The following TRABD2A variants were observed in gnomAD, a reference collection of about 807,000 sequenced individuals.
TRABD2A encodes TraB domain containing 2A, also known as metalloprotease TIKI1.
TRABD2A carries 43 observed loss-of-function variants against 45.6 expected under a neutral mutation model. The ratio of observed to expected loss-of-function variants is 0.94; its 90% CI spans 0.74 to 1.22. TRABD2A has a LOEUF of 1.22. TRABD2A is among the 50% of genes most tolerant of loss of function. TRABD2A has a pLI of 0.00. For missense variants in TRABD2A, 642 were observed against 652.4 expected, an observed-to-expected ratio of 0.98 and a Z score of 0.17; for synonymous variants, 269 against 265.0, an observed-to-expected ratio of 1.02 and a Z score of -0.15.
intron 4 of TRABD2A, chr2:84,834,518 A>C (rs1234805174): frequency 6.6e-6 from 1 of 152,438 alleles, no homozygotes; most frequent in Non-Finnish European, 1.5e-5. Context: ...TCATGCAATC[A>C]TGACCACTAT....
At chr2:84,871,979 G>A (rs1682883380) in intron 1 of TRABD2A, among the ~76,000 whole-genome samples, 1 of 152,158 alleles carries the variant, frequency 6.6e-6, no homozygotes, top group African/African-American at 2.4e-5. Context: ...TTCTCTCCAA[G>A]CAGTTGCACA....
chr2:84,857,196 TTCCCCCAAA>T (rs1682342372), intron 2 of TRABD2A, among the ~76,000 whole-genome samples: 1 of 152,218 alleles, frequency 6.6e-6, no homozygotes, highest in Non-Finnish European at 1.5e-5. Context: ...ATACACTTCC[TTCCCCCAAA>T]TCCCACACAA....
chr2:84,829,008 G>C (rs558936327), intron 5 of TRABD2A, among the ~76,000 whole-genome samples: 1 of 152,274 alleles, frequency 6.6e-6, no homozygotes, highest in Middle Eastern at 3.4e-3. Context: ...TAAAAGGTGG[G>C]AGAAGAAAGG....
chr2:84,842,736 AAAAAG>A (rs1470268682), intron 2 of TRABD2A, among the ~76,000 whole-genome samples: 31 of 151,852 alleles, frequency 2.0e-4, no homozygotes, highest in African/African-American at 4.3e-4. Context: ...CAAAAAAAAA[AAAAAG>A]AAAAGAAAAG....
chr2:84,879,730 C>A (rs1390247221), intron 1 of TRABD2A: 1 of 396,562 alleles, frequency 2.5e-6, no homozygotes, highest in Non-Finnish European at 3.4e-6. Flanking sequence ...ATGCCTGGTG[C>A]AGACTCCCCT....
intron 5 of TRABD2A, among the ~76,000 whole-genome samples, chr2:84,829,619 C>T (rs1440794787): frequency 1.7e-5 from 2 of 118,772 alleles, no homozygotes; most frequent in African/African-American, 3.9e-5. Context: ...CACACCACAA[C>T]ACAACGCAAA....
At chr2:84,863,597 C>CTTTTT (rs55952015) in intron 2 of TRABD2A, among the ~76,000 whole-genome samples, 44 of 78,116 alleles carry the variant, frequency 5.6e-4, no homozygotes, top group South Asian at 1.0e-3. Context: ...TTCAAATTTT[C>CTTTTT]TTTTTTTTTT....
rs930868988 is a variant in TRABD2A at position 84,870,838 on chromosome 2, A to G, written c.109-53T>C. Reference sequence around the variant, plus strand: ...TATAATATGGGGGAGAGGCATGGTCAGGAACCTGTGAGAGGAAATGAATCA... The same window carrying G: ...TATAATATGGGGGAGAGGCATGGTCGGGAACCTGTGAGAGGAAATGAATCA... On this transcript the variant is annotated intron_variant, in intron 1 of 6. Transcript: ENST00000409520. 2.7e-6 allele frequency: 4 copies of G among 1,456,332 alleles called. No individual in the cohort carries two copies. The South Asian group carries it at 5.6e-5, about 20-fold the overall frequency. 90.2% of individuals were successfully genotyped at this position (1,456,332 alleles called of 1,614,324 possible). A position where few individuals can be genotyped will look rare whatever the true frequency, so the allele number is the denominator to read the frequency against.
chr2:84,824,211 G>C lies in TRABD2A; in HGVS notation c.1083-7C>G, dbSNP rs1459818531. ...GGTCTTTTTACTCTTCCCTCTGTAC[G>C]CAAGTGGAAGGAGAAGGTATTTGGA... On this transcript the variant is annotated splice_polypyrimidine_tract_variant and splice_region_variant and intron_variant, in intron 5 of 6. Transcript: ENST00000409520. 1.9e-6 allele frequency: 3 copies of C among 1,613,570 alleles called. No individual in the cohort carries two copies. Among genetic ancestry groups the C allele is most frequent in the Non-Finnish European group, 1.7e-6 (2 of 1,179,754 alleles).
intron 5 of TRABD2A, among the ~76,000 whole-genome samples, chr2:84,829,062 C>A (rs555015624): frequency 6.6e-6 from 1 of 152,114 alleles, no homozygotes; most frequent in Non-Finnish European, 1.5e-5. Context: ...TGTGCTATTT[C>A]CTGGTCCTGG....
rs1559096251 is a variant in TRABD2A at position 84,864,288 on chromosome 2, G to C, written c.669+5937C>G. ...GGCCCTTTGCTTTGAGTTAAATGAG[G>C]ATTGCCATGTAGGAGCAGGTGCTAA... is the stretch of plus-strand genomic sequence containing the variant. On this transcript the variant is annotated intron_variant, in intron 2 of 6. Coordinates refer to ENST00000409520, the MANE Select transcript of TRABD2A (RefSeq NM_001277053.2). 3.3e-5 allele frequency among the ~76,000 whole-genome samples: 5 copies of C among 152,184 alleles called. No individual in the cohort carries two copies. The South Asian group carries it at 1.0e-3, about 31-fold the overall frequency.
Position 84,824,060 on chromosome 2 carries a change from G to C in TRABD2A, c.1227C>G (p.Ala409=). The change falls in exon 6 of 7, where the codon GCC becomes GCG. Residue 409 remains alanine (A), a synonymous_variant. Coordinates refer to ENST00000409520, the MANE Select transcript of TRABD2A (RefSeq NM_001277053.2). ...TCTGTTCGGCCTCACTGGGCGTGTCGGCACTTCCAGGCCGGGACACAAGGG... is the reference window on the plus strand; with the variant it reads ...TCTGTTCGGCCTCACTGGGCGTGTCCGCACTTCCAGGCCGGGACACAAGGG... The part of the protein sequence containing the change: ...LPPLVSRPGS[A]DTPSEAEQRF... 1.9e-6 allele frequency: 3 copies of C among 1,613,754 alleles called. No individual in the cohort carries two copies. The highest frequency in any genetic ancestry group is 1.3e-5 in the African/African-American group (1 of 75,060).
chr2:84,854,498 G>A (rs981521615), intron 2 of TRABD2A, among the ~76,000 whole-genome samples: 18 of 152,168 alleles, frequency 1.2e-4, no homozygotes, highest in Admixed American at 1.0e-3. Flanking sequence ...GACTCAGAAA[G>A]GTTCAATATC....
Position 84,879,112 on chromosome 2 carries a change from T to A in TRABD2A, c.108+1820A>T, listed in dbSNP as rs867827661. On this transcript the variant is annotated intron_variant, in intron 1 of 6. Transcript: ENST00000409520. ...CACTGCTCTGATGGCTAATGGAATG[T>A]GTGCTATGTTGTGTTTTACTACTAT... Among the ~76,000 whole-genome samples, 3 of 152,200 alleles carry A rather than the reference T, an allele frequency of 2.0e-5. No individual in the cohort carries two copies. The South Asian group carries it at 6.2e-4, about 32-fold the overall frequency.
Position 84,839,167 on chromosome 2 carries a change from A to C in TRABD2A, c.973T>G (p.Phe325Val). 6.2e-7 allele frequency: 1 copy of C among 1,613,992 alleles called. No individual in the cohort carries two copies. Among genetic ancestry groups the C allele is most frequent in the Non-Finnish European group, 8.5e-7 (1 of 1,179,890 alleles). The change falls in exon 4 of 7, where the codon TTC (phenylalanine) becomes GTC (valine). Residue 325 changes from phenylalanine to valine, a missense_variant. Transcript: ENST00000409520. Reference protein sequence around the residue: ...LLEEFPDKGFFFAFGAGHFMG... With the variant: ...LLEEFPDKGFVFAFGAGHFMG... ...TACTCACCAGCTCCAAAGGCAAAGA[A>C]GAAGCCTTTGTCAGGGAACTCCTCC... is the stretch of plus-strand genomic sequence containing the variant.
intron 2 of TRABD2A, among the ~76,000 whole-genome samples, chr2:84,859,839 A>G (rs1682433635): frequency 6.6e-6 from 1 of 152,160 alleles, no homozygotes; most frequent in Non-Finnish European, 1.5e-5. Context: ...CCAGGGACAC[A>G]CTTTGAGAAC....
intron 2 of TRABD2A, among the ~76,000 whole-genome samples, chr2:84,868,366 C>G (rs1682753274): frequency 6.8e-6 from 1 of 146,910 alleles, no homozygotes; most frequent in African/African-American, 2.5e-5. Flanking sequence ...TGTTCTCATT[C>G]ACAGGTGGGA....
chr2:84,831,752 C>CCCTA (rs1409348903), intron 5 of TRABD2A, among the ~76,000 whole-genome samples: 1 of 152,104 alleles, frequency 6.6e-6, no homozygotes, highest in East Asian at 1.9e-4. Context: ...TCCTCCTTTC[C>CCCTA]CCTACCCCTC....
intron 2 of TRABD2A, among the ~76,000 whole-genome samples, chr2:84,853,357 G>A (rs1385041722): frequency 6.6e-6 from 1 of 152,206 alleles, no homozygotes; most frequent in Non-Finnish European, 1.5e-5. Context: ...TACAACCATG[G>A]CAGAAGAGGA....
Sources: allele counts gnomAD v4.1 joint callset (sites outside exome capture counted in the v4.1 genomes callset), GRCh38; gene constraint gnomAD v4.1.1; transcripts MANE v1.5; gene names NCBI Gene and HGNC (gene_info 2026-07-23, HGNC 2026-07-21).